Variants in MKLN1 observed in about 807,000 individuals in gnomAD.
The protein encoded by MKLN1 is muskelin.
Under a neutral mutation model 99.0 loss-of-function variants are expected in MKLN1, and 18 were observed. That is an observed-to-expected ratio of 0.18 (90% CI 0.13 to 0.27). The LOEUF (loss-of-function observed/expected upper bound fraction) is 0.27, where lower values mean the gene tolerates loss of function less well. Among genes scored for constraint, MKLN1 ranks in the 10% least tolerant of loss-of-function variants. The pLI, the probability that MKLN1 is intolerant of heterozygous loss-of-function variation, is 1.00. For missense variants in MKLN1, 621 were observed against 875.9 expected (o/e 0.71, Z 3.67); for synonymous variants, 288 against 293.2 (o/e 0.98, Z 0.18).
At chr7:131,230,071 A>AT (rs1797219676) in intron 3 of MKLN1, among the ~76,000 whole-genome samples, 2 of 152,192 alleles carry the variant, frequency 1.3e-5, no homozygotes, top group African/African-American at 4.8e-5. Flanking sequence ...TACCAGGTTA[A>AT]TTTTTAAAAA....
At chr7:131,316,269 C>A (rs566667456) in intron 3 of MKLN1, among the ~76,000 whole-genome samples, 37 of 152,334 alleles carry the variant, frequency 2.4e-4, no homozygotes, top group African/African-American at 8.4e-4. Flanking sequence ...AGGCAGCAAT[C>A]TTTGCTGTTC....
chr7:131,351,062 G>A (rs187595049), intron 1 of MKLN1, among the ~76,000 whole-genome samples: 1 of 152,160 alleles, frequency 6.6e-6, no homozygotes, highest in Non-Finnish European at 1.5e-5. Context: ...TTGTTGTTAT[G>A]TCCCTTTTAC....
chr7:131,474,422 T>G (rs745432816), intron 16 of MKLN1, among the ~76,000 whole-genome samples: 28 of 152,138 alleles, frequency 1.8e-4, no homozygotes, highest in Admixed American at 4.6e-4. Context: ...ACAGCCAACT[T>G]AAGATGTTGA....
Position 131,163,107 on chromosome 7 carries a change from CTG to C in MKLN1, c.-297+20168_-297+20169del, listed in dbSNP as rs373978216. 3.7e-4 allele frequency among the ~76,000 whole-genome samples: 57 copies of C among 152,334 alleles called. 1 individual carries two copies. The highest frequency in any genetic ancestry group is 1.2e-3 in the African/African-American group (49 of 41,564). ...ATACAGCTGTGGCTTAAGCGCAACT[CTG>C]TCTCCAATTCTGAATTCTTACCCAT... On this transcript the variant is annotated intron_variant, in intron 2 of 7. Coordinates refer to the MKLN1 transcript ENST00000416992.
At chr7:131,334,700 T>C (rs184219934) in intron 1 of MKLN1, among the ~76,000 whole-genome samples, 16 of 152,366 alleles carry the variant, frequency 1.1e-4, no homozygotes, top group African/African-American at 3.6e-4. Flanking sequence ...TTTGTGATGT[T>C]TTACGTGTAG....
intron 2 of MKLN1, among the ~76,000 whole-genome samples, chr7:131,156,370 T>C (rs1038789684): frequency 3.2e-5 from 4 of 123,516 alleles, no homozygotes; most frequent in African/African-American, 1.3e-4. Flanking sequence ...TACTAAAAAA[T>C]ACAAAAAATT....
chr7:131,192,494 TA>T (rs1321165438), intron 2 of MKLN1, among the ~76,000 whole-genome samples: 4 of 124,936 alleles, frequency 3.2e-5, no homozygotes, highest in East Asian at 2.0e-4. Flanking sequence ...TAAATATATA[TA>T]ATATATACAC....
chr7:131,386,357 T>C (rs1240582281), intron 2 of MKLN1, among the ~76,000 whole-genome samples: 1 of 152,080 alleles, frequency 6.6e-6, no homozygotes. Context: ...TTTTTATCCA[T>C]TTTGAGTTGA....
At chr7:131,368,067 G>A (rs1800233818) in intron 1 of MKLN1, among the ~76,000 whole-genome samples, 1 of 152,122 alleles carries the variant, frequency 6.6e-6, no homozygotes, top group South Asian at 2.1e-4. Context: ...TAATGAATAT[G>A]TTTTATAGAA....
intron 9 of MKLN1, among the ~76,000 whole-genome samples, chr7:131,432,098 C>T (rs1006526564): frequency 6.6e-6 from 1 of 152,104 alleles, no homozygotes; most frequent in African/African-American, 2.4e-5. Context: ...TTCATGTTTC[C>T]CTATCTGAAT....
chr7:131,273,915 A>G (rs1216750407), intron 3 of MKLN1, among the ~76,000 whole-genome samples: 1 of 152,122 alleles, frequency 6.6e-6, no homozygotes. Flanking sequence ...CTGACACTTT[A>G]ATATCACTAT....
At chr7:131,328,044 GCAC>G in intron 1 of MKLN1, 47 bp downstream of exon 1, 1 of 1,593,190 alleles carries the variant, frequency 6.3e-7, no homozygotes, top group Non-Finnish European at 8.5e-7. Context: ...TTCCGCGTCA[GCAC>G]GGTTGGGCCA....
chr7:131,136,576 T>C (rs999102546), intron 1 of MKLN1, among the ~76,000 whole-genome samples: 7 of 152,216 alleles, frequency 4.6e-5, no homozygotes, highest in Non-Finnish European at 1.0e-4. Flanking sequence ...TTGGTACCGA[T>C]TCCATATAGA....
chr7:131,182,582 T>C (rs537220005), intron 2 of MKLN1, among the ~76,000 whole-genome samples: 1 of 152,378 alleles, frequency 6.6e-6, no homozygotes, highest in African/African-American at 2.4e-5. Context: ...ATTTCTCTAA[T>C]GAGTCATATA....
intron 2 of MKLN1, among the ~76,000 whole-genome samples, chr7:131,160,488 T>TA (rs1218581095): frequency 1.3e-4 from 16 of 127,346 alleles, no homozygotes; most frequent in African/African-American, 4.6e-4. Context: ...TTATTATTAT[T>TA]ATTAATTATT....
Position 131,437,925 on chromosome 7 carries a change from T to C in MKLN1, c.1101T>C (p.Asp367=), listed in dbSNP as rs535240586. 1.2e-6 allele frequency: 2 copies of C among 1,614,004 alleles called. No individual in the cohort carries two copies. Among genetic ancestry groups the C allele is most frequent in the East Asian group, 4.5e-5 (2 of 44,866 alleles). ...GTGACTTCTATCGTTATGACATTGA[T>C]ACAAACACATGGATGTTACTAAGTG... ...LKSDFYRYDI[D]TNTWMLLSED... The change falls in exon 10 of 18, where the codon GAT becomes GAC. Residue 367 remains aspartate, a synonymous_variant. Transcript: ENST00000352689.
At chr7:131,270,721 G>T (rs1245167509) in intron 3 of MKLN1, among the ~76,000 whole-genome samples, 4 of 152,202 alleles carry the variant, frequency 2.6e-5, no homozygotes, top group African/African-American at 9.6e-5. Context: ...TCAGAGCAAA[G>T]AATAATAGAT....
rs181839520 is a variant in MKLN1, at chr7:131,339,643, G to A, written c.98+11646G>A. On this transcript the variant is annotated intron_variant, in intron 1 of 17. Coordinates refer to ENST00000352689, the MANE Select transcript of MKLN1 (RefSeq NM_013255.5). ...GAATCCAGGAGGTGGAGGTTGCAGC[G>A]AGCTGAGATCGTGCCACTGTACTCC... 5.3e-5 allele frequency among the ~76,000 whole-genome samples: 8 copies of A among 151,814 alleles called. No individual in the cohort carries two copies. In the East Asian group the frequency reaches 9.7e-4, roughly 18 times the overall value.
At chr7:131,167,111 T>C (rs995385203) in intron 2 of MKLN1, among the ~76,000 whole-genome samples, 1 of 152,048 alleles carries the variant, frequency 6.6e-6, no homozygotes, top group African/African-American at 2.4e-5. Context: ...GCATCTGACA[T>C]ACTATTTGTT....
Sources: allele counts gnomAD v4.1 joint callset (sites outside exome capture counted in the v4.1 genomes callset), GRCh38; gene constraint gnomAD v4.1.1; transcripts MANE v1.5; gene names NCBI Gene and HGNC (gene_info 2026-07-23, HGNC 2026-07-21).